OTUD7A: variants seen among roughly 807,000 people sequenced by gnomAD.
OTUD7A encodes OTU domain-containing protein 7A.
In OTUD7A, 12 loss-of-function variants were observed where a neutral mutation model predicts 65.7. The ratio of observed to expected loss-of-function variants is 0.18; its 90% CI spans 0.12 to 0.30. OTUD7A has a LOEUF of 0.30. OTUD7A is among the 10% of genes least tolerant of loss of function. OTUD7A has a pLI of 1.00. For synonymous variants in OTUD7A, 641 were observed against 586.3 expected (o/e 1.09, Z -1.35); for missense variants, 1,148 against 1,304.8 (o/e 0.88, Z 1.85).
At chr15:31,741,987 G>T (rs558634421) in intron 1 of OTUD7A, among the ~76,000 whole-genome samples, 1 of 152,126 alleles carries the variant, frequency 6.6e-6, no homozygotes, top group South Asian at 2.1e-4. Flanking sequence ...CACAGTCCTA[G>T]AAAAATAAAA....
intron 1 of OTUD7A, among the ~76,000 whole-genome samples, chr15:31,726,009 C>T (rs1257296899): frequency 6.6e-6 from 1 of 151,930 alleles, no homozygotes; most frequent in Non-Finnish European, 1.5e-5. Flanking sequence ...TGATGACTCT[C>T]AGATTTATAA....
intron 3 of OTUD7A, among the ~76,000 whole-genome samples, chr15:31,629,157 C>T (rs1891060216): frequency 6.6e-6 from 1 of 152,126 alleles, no homozygotes; most frequent in African/African-American, 2.4e-5. Flanking sequence ...GAGAGGGCAT[C>T]CCTGTCTTAT....
intron 1 of OTUD7A, among the ~76,000 whole-genome samples, chr15:31,798,896 C>T (rs1246101715): frequency 2.6e-5 from 4 of 152,140 alleles, no homozygotes; most frequent in Non-Finnish European, 5.9e-5. Flanking sequence ...GATCTCTCCT[C>T]TTTTTGCAGG....
At chr15:31,764,098 T>C (rs1365626876) in intron 1 of OTUD7A, among the ~76,000 whole-genome samples, 3 of 152,140 alleles carry the variant, frequency 2.0e-5, no homozygotes, top group Non-Finnish European at 2.9e-5. Flanking sequence ...GCAACAGAAA[T>C]GGTACATATA....
intron 3 of OTUD7A, among the ~76,000 whole-genome samples, chr15:31,607,629 G>A (rs368245968): frequency 7.2e-5 from 11 of 152,306 alleles, no homozygotes; most frequent in African/African-American, 2.6e-4. Context: ...GCCTAGTGAT[G>A]TTGAAGGTGA....
intron 1 of OTUD7A, among the ~76,000 whole-genome samples, chr15:31,773,041 T>G (rs977594519): frequency 1.5e-4 from 23 of 152,362 alleles, no homozygotes; most frequent in African/African-American, 5.5e-4. Flanking sequence ...GATATGTATA[T>G]TTTAATATGT....
chr15:31,644,632 T>C (rs1415372712), intron 3 of OTUD7A, among the ~76,000 whole-genome samples: 5 of 152,158 alleles, frequency 3.3e-5, no homozygotes, highest in African/African-American at 9.7e-5. Context: ...TATGCCACCA[T>C]GCCCAGCTAA....
At chr15:31,861,673 A>G (rs1337854974) in intron 1 of OTUD7A, among the ~76,000 whole-genome samples, 1 of 152,196 alleles carries the variant, frequency 6.6e-6, no homozygotes, top group Non-Finnish European at 1.5e-5. Flanking sequence ...AGAATAATCA[A>G]GAGATTTGGG....
intron 1 of OTUD7A, among the ~76,000 whole-genome samples, chr15:31,825,122 G>GCT (rs1896767677): frequency 6.6e-6 from 1 of 152,188 alleles, no homozygotes; most frequent in Admixed American, 6.5e-5. Flanking sequence ...TTTGTGCCAG[G>GCT]TAAGAATCAC....
chr15:31,764,353 T>C (rs764175568), intron 1 of OTUD7A, among the ~76,000 whole-genome samples: 6 of 152,106 alleles, frequency 3.9e-5, no homozygotes, highest in African/African-American at 1.2e-4. Context: ...TGGAACACTA[T>C]CATTTTATAG....
intron 3 of OTUD7A, among the ~76,000 whole-genome samples, chr15:31,645,907 G>A (rs115318559): frequency 6.6e-6 from 1 of 151,710 alleles, no homozygotes; most frequent in African/African-American, 2.4e-5. Context: ...TTCTTCCTGG[G>A]TCTCCCACAC....
chr15:31,642,488 G>A lies in OTUD7A; in HGVS notation c.151+12608C>T, dbSNP rs1891546128. Among the ~76,000 whole-genome samples, 2 of 152,136 alleles carry A rather than the reference G, an allele frequency of 1.3e-5. 1 individual carries two copies. The highest frequency in any genetic ancestry group is 4.1e-4 in the South Asian group (2 of 4,828). ...TAATTTTTTCTTTATATGTGTGGTAGAATTTACCAATGAAGCTATAGATGC... is the reference window on the plus strand; with the variant it reads ...TAATTTTTTCTTTATATGTGTGGTAAAATTTACCAATGAAGCTATAGATGC... On this transcript the variant is annotated intron_variant, in intron 3 of 12. Transcript: ENST00000307050.
intron 8 of OTUD7A, among the ~76,000 whole-genome samples, chr15:31,507,572 G>A (rs79926643): frequency 0.014 from 2,109 of 152,256 alleles, 58 homozygotes; most frequent in African/African-American, 0.048. Context: ...ATTGTGGAGA[G>A]AGAAAGAACA....
At chr15:31,541,003 A>G (rs1174247626) in intron 5 of OTUD7A, among the ~76,000 whole-genome samples, 1 of 152,192 alleles carries the variant, frequency 6.6e-6, no homozygotes, top group Non-Finnish European at 1.5e-5. Context: ...TTTTTATTAA[A>G]TTTTATAGAA....
At chr15:31,771,252 G>A (rs1194028350) in intron 1 of OTUD7A, among the ~76,000 whole-genome samples, 2 of 152,192 alleles carry the variant, frequency 1.3e-5, no homozygotes, top group Non-Finnish European at 1.5e-5. Flanking sequence ...AGCTGCTTAT[G>A]TTCTGTTTCT....
At chr15:31,524,130 T>C (rs2041976478) in intron 8 of OTUD7A, among the ~76,000 whole-genome samples, 2 of 151,384 alleles carry the variant, frequency 1.3e-5, no homozygotes, top group African/African-American at 4.9e-5. Context: ...TGTCCTCTTC[T>C]GAGTTTTTTG....
intron 1 of OTUD7A, among the ~76,000 whole-genome samples, chr15:31,762,591 G>A (rs1295869243): frequency 1.3e-5 from 2 of 152,198 alleles, no homozygotes; most frequent in African/African-American, 4.8e-5. Flanking sequence ...AGAACTATAG[G>A]ACTAGCTATC....
chr15:31,685,509 A>G (rs1374712030), intron 1 of OTUD7A, among the ~76,000 whole-genome samples: 1 of 152,076 alleles, frequency 6.6e-6, no homozygotes, highest in African/African-American at 2.4e-5. Context: ...AAACAAAAAA[A>G]TTAGCCGGGC....
chr15:31,820,370 T>A (rs755932907), intron 1 of OTUD7A, among the ~76,000 whole-genome samples: 7 of 152,238 alleles, frequency 4.6e-5, no homozygotes, highest in Non-Finnish European at 7.3e-5. Context: ...CTGGCACTTC[T>A]CTTCAGGTTC....
Sources: gnomAD v4.1 joint callset for allele counts (sites outside exome capture counted in the v4.1 genomes callset) on GRCh38, gnomAD v4.1.1 for gene constraint, MANE v1.5 for transcripts, NCBI Gene and HGNC (gene_info 2026-07-23, HGNC 2026-07-21) for gene names.